Variants in ADGRD2 observed in about 807,000 individuals in gnomAD.
ADGRD2 encodes the protein adhesion G protein-coupled receptor D2, also known as G protein-coupled receptor PGR24.
A neutral mutation model predicts 44.4 loss-of-function variants in ADGRD2; 71 were observed. The observed-to-expected ratio is 1.60, with a 90% CI of 1.32 to 1.95. The LOEUF (loss-of-function observed/expected upper bound fraction) is 1.95. Ranked by LOEUF, ADGRD2 falls within the 30% of genes most tolerant of loss-of-function variation. The probability of loss-of-function intolerance (pLI) is 0.00; values close to 1 mark genes in which losing one functional copy is unlikely to be tolerated. For synonymous variants in ADGRD2, 481 were observed against 224.8 expected, an observed-to-expected ratio of 2.14 and a Z score of -10.19; for missense variants, 1,039 against 512.4, an observed-to-expected ratio of 2.03 and a Z score of -9.92.
chr9:124,451,556 G>A (rs929011505), upstream of ADGRD2: 4 of 302,132 alleles, frequency 1.3e-5, no homozygotes, highest in African/African-American at 6.6e-5. Flanking sequence ...AGAAGTCCAA[G>A]GGCGAAGCAA....
chr9:124,471,638 G>C (rs985029255), intron 17 of ADGRD2, among the ~76,000 whole-genome samples: 3 of 152,196 alleles, frequency 2.0e-5, no homozygotes, highest in Admixed American at 2.0e-4. Context: ...TCCAGAGTCT[G>C]CGTTCTCAGC....
At chr9:124,467,637 G>C in intron 11 of ADGRD2, 84 bp from the exon 15 acceptor site, 1 of 697,370 alleles carries the variant, frequency 1.4e-6, no homozygotes. Context: ...GGCGTGGGGG[G>C]CCTTAGAGTC....
At chr9:124,456,932 C>T (rs561013520) in intron 7 of ADGRD2, among the ~76,000 whole-genome samples, 199 bp downstream of exon 10, 1 of 152,300 alleles carries the variant, frequency 6.6e-6, no homozygotes, top group Admixed American at 6.5e-5. Flanking sequence ...CTGTGTGGGC[C>T]TCACTCCCTC....
At chr9:124,453,795 G>A (rs1158387996) in intron 3 of ADGRD2, 119 bp downstream of exon 6, 1 of 611,962 alleles carries the variant, frequency 1.6e-6, no homozygotes, top group African/African-American at 1.9e-5. Flanking sequence ...GCCCTCTCCA[G>A]GCCGCAGTGC....
At chr9:124,471,983 G>C (rs2131257351) in intron 17 of ADGRD2, among the ~76,000 whole-genome samples, 1 of 152,334 alleles carries the variant, frequency 6.6e-6, no homozygotes, top group African/African-American at 2.4e-5. Flanking sequence ...TTCTCCACCT[G>C]TCACACGGTG....
exon 17 of ADGRD2, chr9:124,470,593 C>T (rs747766130): frequency 3.0e-5 from 21 of 707,808 alleles, no homozygotes; most frequent in South Asian, 4.4e-5. Context: ...CCTACGCTGC[C>T]GTGGGCCTCA....
chr9:124,466,362 C>A (rs905061497), exon 11 of ADGRD2: 1 of 717,734 alleles, frequency 1.4e-6, no homozygotes, highest in Non-Finnish European at 2.6e-6. Context: ...CCGCCTGCTT[C>A]TGCAACCACA....
intron 18 of ADGRD2, 40 bp downstream of exon 21, chr9:124,475,527 G>C (rs1483788207): frequency 1.4e-6 from 1 of 715,894 alleles, no homozygotes; most frequent in South Asian, 1.5e-5. Flanking sequence ...AGGGGTCCAA[G>C]GGGTAGGGAG....
At chr9:124,467,340 CAA>C (rs59651695) in intron 11 of ADGRD2, 99 of 104,976 alleles carry the variant, frequency 9.4e-4, no homozygotes, top group Non-Finnish European at 1.4e-3. Context: ...CTTGAAGCAA[CAA>C]AAAAAAAAAA....
At chr9:124,466,570 A>G (rs1263234294) in intron 11 of ADGRD2, 157 bp downstream of exon 14, 7 of 466,704 alleles carry the variant, frequency 1.5e-5, no homozygotes, top group Admixed American at 3.7e-5. Context: ...CTGTTGTCCC[A>G]GCACTTTGGG....
exon 17 of ADGRD2, chr9:124,470,500 G>A (rs535753649): frequency 9.9e-6 from 7 of 710,504 alleles, no homozygotes; most frequent in East Asian, 2.7e-5. Flanking sequence ...ACAGGGCCAC[G>A]GTGAAGCCCG....
chr9:124,452,001 C>CG, upstream of ADGRD2: 3 of 319,578 alleles, frequency 9.4e-6, no homozygotes, highest in South Asian at 2.3e-5. Context: ...CTGAATGCCC[C>CG]CCTCCCACCC....
At chr9:124,452,710 C>A (rs1694127743) in exon 2 of ADGRD2, 1 of 714,018 alleles carries the variant, frequency 1.4e-6, no homozygotes, top group South Asian at 1.5e-5. Flanking sequence ...TCTGCGGAGA[C>A]CCCCACAGAG....
At chr9:124,460,389 T>TATATATATA (rs1554718953) in intron 10 of ADGRD2, among the ~76,000 whole-genome samples, 2 of 26,852 alleles carry the variant, frequency 7.4e-5, no homozygotes, top group Non-Finnish European at 1.3e-4. Context: ...TATATATATA[T>TATATATATA]TTTTTTTTAG....
intron 10 of ADGRD2, among the ~76,000 whole-genome samples, chr9:124,459,030 G>C (rs184772078): frequency 7.9e-5 from 12 of 152,284 alleles, no homozygotes; most frequent in Middle Eastern, 3.4e-3. Context: ...TTCATTCTAC[G>C]TCTGCATAAC....
At chr9:124,470,419 G>C in intron 16 of ADGRD2, 75 bp from the exon 20 acceptor site, 1 of 664,256 alleles carries the variant, frequency 1.5e-6, no homozygotes, top group Non-Finnish European at 2.8e-6. Flanking sequence ...ACGTACAGGT[G>C]CTGCTCTCCC....
chr9:124,467,871 C>G (rs1348599046), intron 12 of ADGRD2, 47 bp downstream of exon 15: 1 of 716,850 alleles, frequency 1.4e-6, no homozygotes, highest in Non-Finnish European at 2.6e-6. Context: ...GCCCTCCCGC[C>G]TCGCTCAGGC....
chr9:124,471,315 C>T (rs1369014697), intron 17 of ADGRD2, among the ~76,000 whole-genome samples: 1 of 152,160 alleles, frequency 6.6e-6, no homozygotes, highest in Non-Finnish European at 1.5e-5. Flanking sequence ...TCCCTGCTTG[C>T]CCAGCCCGGG....
At chr9:124,453,404 G>T in exon 3 of ADGRD2, 1 of 604,000 alleles carries the variant, frequency 1.7e-6, no homozygotes, top group Non-Finnish European at 2.9e-6. Flanking sequence ...GGGGCGCGGG[G>T]GCTGGGCGCC....
Sources: gnomAD v4.1 joint callset for allele counts (sites outside exome capture counted in the v4.1 genomes callset) on GRCh38, gnomAD v4.1.1 for gene constraint, MANE v1.5 for transcripts, NCBI Gene and HGNC (gene_info 2026-07-23, HGNC 2026-07-21) for gene names.